Variants in ARL3 observed in about 807,000 individuals in gnomAD.
ARL3 encodes ARF like GTPase 3.
A neutral mutation model predicts 26.0 loss-of-function variants in ARL3; 9 were observed. That is an observed-to-expected ratio of 0.35 (90% CI 0.21 to 0.60). The LOEUF is 0.60. Among genes scored for constraint, ARL3 ranks in the 20% least tolerant of loss-of-function variants. The pLI is 0.78. For missense variants in ARL3, 158 were observed against 215.7 expected, an observed-to-expected ratio of 0.73 and a Z score of 1.67; for synonymous variants, 71 against 78.4, an observed-to-expected ratio of 0.91 and a Z score of 0.50.
intron 1 of ARL3, among the ~76,000 whole-genome samples, chr10:102,708,908 A>ATATATATTTTTTT: frequency 1.0e-5 from 1 of 95,350 alleles, no homozygotes; most frequent in African/African-American, 4.2e-5. Context: ...ATATATATAT[A>ATATATATTTTTTT]TTTTTTTTTT....
chr10:102,681,306 C>T (rs185354578), intron 5 of ARL3, among the ~76,000 whole-genome samples: 12 of 151,094 alleles, frequency 7.9e-5, no homozygotes, highest in South Asian at 4.2e-4. Context: ...GCAGGAGAAT[C>T]GCTTGAACCC....
chr10:102,707,904 CT>C (rs1222874439), intron 1 of ARL3, among the ~76,000 whole-genome samples: 6 of 151,866 alleles, frequency 4.0e-5, no homozygotes, highest in Admixed American at 4.0e-4. Context: ...AAAGGCCAGA[CT>C]TTTTTTTCCT....
At chr10:102,690,904 T>G (rs2064213560) in intron 3 of ARL3, among the ~76,000 whole-genome samples, 2 of 150,266 alleles carry the variant, frequency 1.3e-5, no homozygotes, top group Non-Finnish European at 1.5e-5. Flanking sequence ...TTTTTTTTTT[T>G]GAGATGGGGT....
At chr10:102,681,854 A>G (rs1158386818) in intron 5 of ARL3, among the ~76,000 whole-genome samples, 1 of 152,190 alleles carries the variant, frequency 6.6e-6, no homozygotes, top group East Asian at 1.9e-4. Context: ...AGAGTATTTT[A>G]GAGAGAAAAT....
chr10:102,707,930 G>C (rs954887539), intron 1 of ARL3, among the ~76,000 whole-genome samples: 20 of 151,620 alleles, frequency 1.3e-4, no homozygotes, highest in Admixed American at 1.2e-3. Context: ...CTTTTTTTTG[G>C]GGGGACAGGG....
chr10:102,684,220 C>T (rs1185700620), intron 5 of ARL3, among the ~76,000 whole-genome samples: 1 of 152,188 alleles, frequency 6.6e-6, no homozygotes, highest in East Asian at 1.9e-4. Context: ...GCAATCTCAG[C>T]TCATTGCAAG....
intron 3 of ARL3, among the ~76,000 whole-genome samples, chr10:102,694,649 T>C (rs1333384398): frequency 3.9e-5 from 6 of 152,192 alleles, no homozygotes; most frequent in African/African-American, 1.2e-4. Flanking sequence ...GCCATATTCA[T>C]GTAAGCCTAT....
chr10:102,699,009 T>G (rs971880318), intron 3 of ARL3, among the ~76,000 whole-genome samples: 2 of 152,186 alleles, frequency 1.3e-5, no homozygotes, highest in Admixed American at 1.3e-4. Flanking sequence ...TTCCAGTACT[T>G]TCACTATTTT....
Position 102,708,886 on chromosome 10 carries a change from T to TAATATATA in ARL3, c.4-3398_4-3397insTATATATT, listed in dbSNP as rs60736499. Among the ~76,000 whole-genome samples the TAATATATA allele has an allele frequency of 1.4e-3, 123 of 90,428 alleles. 11 individuals carry two copies. The highest frequency in any genetic ancestry group is 7.1e-3 in the East Asian group (24 of 3,402). 59.3% of individuals were successfully genotyped at this position (90,428 alleles called of 152,430 possible). On this transcript the variant is annotated intron_variant, in intron 1 of 5. Coordinates refer to ENST00000260746, the MANE Select transcript of ARL3 (RefSeq NM_004311.4). ...CAAAAACAAAAAATAAAACCATATA[T>TAATATATA]TATATATATATATATATATATATTT...
chr10:102,701,084 A>G (rs750368518), intron 2 of ARL3, among the ~76,000 whole-genome samples: 46 of 152,148 alleles, frequency 3.0e-4, no homozygotes, highest in Non-Finnish European at 5.7e-4. Flanking sequence ...ACTTTGAGGA[A>G]GGTGAGCAAA....
intron 3 of ARL3, among the ~76,000 whole-genome samples, chr10:102,697,721 T>C (rs1189468279): frequency 1.3e-5 from 2 of 151,348 alleles, no homozygotes; most frequent in Admixed American, 1.3e-4. Flanking sequence ...CATTTGGAGG[T>C]TGGGAGATTA....
chr10:102,677,711 G>T (rs531513824), intron 5 of ARL3, among the ~76,000 whole-genome samples: 1 of 152,258 alleles, frequency 6.6e-6, no homozygotes, highest in East Asian at 1.9e-4. Flanking sequence ...ACCCCCTTTG[G>T]AGCCAAACCT....
At chr10:102,708,908 A>ATATATATATATATATTTTTT in intron 1 of ARL3, among the ~76,000 whole-genome samples, 6 of 95,326 alleles carry the variant, frequency 6.3e-5, no homozygotes, top group African/African-American at 1.3e-4. Flanking sequence ...ATATATATAT[A>ATATATATATATATATTTTTT]TTTTTTTTTT....
chr10:102,686,866 CTTTTTTTTTTTT>C (rs59400726), intron 4 of ARL3, among the ~76,000 whole-genome samples: 34 of 59,630 alleles, frequency 5.7e-4, no homozygotes, highest in Admixed American at 1.5e-3. Flanking sequence ...CAGGAATTTA[CTTTTTTTTTTTT>C]TTTTTTTTTT....
At chr10:102,693,157 C>T (rs2064228721) in intron 3 of ARL3, among the ~76,000 whole-genome samples, 1 of 152,166 alleles carries the variant, frequency 6.6e-6, no homozygotes, top group Non-Finnish European at 1.5e-5. Flanking sequence ...ATAAACATTC[C>T]TATGCAGAAT....
At chr10:102,684,286 C>A (rs935236201) in intron 5 of ARL3, among the ~76,000 whole-genome samples, 1 of 151,654 alleles carries the variant, frequency 6.6e-6, no homozygotes, top group Non-Finnish European at 1.5e-5. Flanking sequence ...GTAGCTGGGA[C>A]TACAGGTGCC....
chr10:102,714,372 A>C lies in ARL3; in HGVS notation c.-97T>G. Reference sequence around the variant, plus strand: ...GCCGCCCCCGACGTCCCTCGCACGCACAGCTGAGGAGCTGAGCAGCAATAC... The same window carrying C: ...GCCGCCCCCGACGTCCCTCGCACGCCCAGCTGAGGAGCTGAGCAGCAATAC... On this transcript the variant is annotated 5_prime_UTR_variant, in exon 1 of 6. Transcript: ENST00000260746. The C allele has an allele frequency of 8.3e-7, 1 of 1,198,576 alleles. No individual in the cohort carries two copies. Among genetic ancestry groups the C allele is most frequent in the Non-Finnish European group, 1.1e-6 (1 of 937,844 alleles). 74.2% of individuals were successfully genotyped at this position (1,198,576 alleles called of 1,614,324 possible).
intron 3 of ARL3, among the ~76,000 whole-genome samples, chr10:102,691,891 CTG>C (rs956633853): frequency 1.2e-4 from 18 of 152,328 alleles, no homozygotes; most frequent in African/African-American, 3.1e-4. Context: ...GCAGACAGGG[CTG>C]TGAGTCACAA....
chr10:102,711,130 A>G (rs2136011861), intron 1 of ARL3, among the ~76,000 whole-genome samples: 1 of 152,258 alleles, frequency 6.6e-6, no homozygotes, highest in Middle Eastern at 3.4e-3. Context: ...TTAAAGCTCA[A>G]AATTGAGAAC....
Sources: gnomAD v4.1 joint callset for allele counts (sites outside exome capture counted in the v4.1 genomes callset) on GRCh38, gnomAD v4.1.1 for gene constraint, MANE v1.5 for transcripts, NCBI Gene and HGNC (gene_info 2026-07-23, HGNC 2026-07-21) for gene names.